The following IQGAP2 variants were observed in gnomAD, a reference collection of about 807,000 sequenced individuals.
The protein encoded by IQGAP2 is IQ motif containing GTPase activating protein 2.
IQGAP2 carries 173 observed loss-of-function variants against 201.3 expected under a neutral mutation model. That is an observed-to-expected ratio of 0.86 (90% confidence interval 0.76 to 0.98). The LOEUF is 0.98. Among genes scored for constraint, IQGAP2 ranks in the 50% least tolerant of loss-of-function variants. The pLI is 0.00. For synonymous variants in IQGAP2, 675 were observed against 673.9 expected (o/e 1.00, Z -0.03); for missense variants, 1,687 against 1,864.8 (o/e 0.90, Z 1.76).
chr5:76,554,536 A>C (rs4704334), intron 2 of IQGAP2, among the ~76,000 whole-genome samples: 22,240 of 152,252 alleles, frequency 0.15, 1,781 homozygotes, highest in Admixed American at 0.28. Flanking sequence ...AAAAGTATAT[A>C]AATGGGCTAT....
intron 12 of IQGAP2, chr5:76,607,815 A>G (rs1188457102): frequency 6.6e-6 from 1 of 152,216 alleles, no homozygotes; most frequent in Non-Finnish European, 1.5e-5. Context: ...TTTGGTTGCT[A>G]CAGCAACTGC....
chr5:76,403,639 CT>C lies in IQGAP2; in HGVS notation c.46+49del. 7.0e-7 allele frequency: 1 copy of C among 1,428,704 alleles called. No homozygotes were observed. Among genetic ancestry groups the C allele is most frequent in the South Asian group, 1.4e-5 (1 of 72,394 alleles). 88.5% of individuals were successfully genotyped at this position (1,428,704 alleles called of 1,614,324 possible). On this transcript the variant is annotated intron_variant, in intron 1 of 35. Coordinates refer to ENST00000274364, the MANE Select transcript of IQGAP2 (RefSeq NM_006633.5). This position sits in a 1 kb window ranked among gnomAD's most constrained non-coding sequence, Gnocchi z 4.8. ...GTTCCTGCTGGCCTTGGGGAGCTCC[CT>C]CCCCGAGGACGGCGTTGGAGAAGCC...
At chr5:76,413,229 C>T (rs1184722409) in intron 1 of IQGAP2, among the ~76,000 whole-genome samples, 2 of 130,742 alleles carry the variant, frequency 1.5e-5, no homozygotes, top group Non-Finnish European at 3.1e-5. Context: ...AGTGCAGTGG[C>T]GCGATCTTGG....
At chr5:76,633,939 T>C (rs950388642) in intron 15 of IQGAP2, among the ~76,000 whole-genome samples, 1 of 151,902 alleles carries the variant, frequency 6.6e-6, no homozygotes, top group South Asian at 2.1e-4. Context: ...ATGGAACCTG[T>C]ATTCTGCGCC....
chr5:76,592,957 A>G (rs1010472591), intron 9 of IQGAP2, 32 bp downstream of exon 9: 3 of 1,416,072 alleles, frequency 2.1e-6, no homozygotes, highest in Admixed American at 1.7e-5. Flanking sequence ...GGAAATTGAT[A>G]TTTCCGTAAG....
chr5:76,425,620 TGTAA>T (rs1751951739), intron 1 of IQGAP2, among the ~76,000 whole-genome samples: 1 of 152,060 alleles, frequency 6.6e-6, no homozygotes, highest in Non-Finnish European at 1.5e-5. Flanking sequence ...CAGAGAGACT[TGTAA>T]GTATTATAAG....
At chr5:76,465,027 T>G (rs1054417139) in intron 2 of IQGAP2, among the ~76,000 whole-genome samples, 3 of 152,148 alleles carry the variant, frequency 2.0e-5, no homozygotes, top group African/African-American at 7.2e-5. Context: ...TTGCAAACTC[T>G]TCCAAAAAAT....
chr5:76,679,464 C>T (rs918420938), intron 28 of IQGAP2, among the ~76,000 whole-genome samples: 2 of 152,158 alleles, frequency 1.3e-5, no homozygotes, highest in African/African-American at 2.4e-5. Context: ...TGGAGGCGTC[C>T]GTGTGCAGAC....
At chr5:76,532,911 G>A (rs146971643) in intron 2 of IQGAP2, among the ~76,000 whole-genome samples, 58 of 152,336 alleles carry the variant, frequency 3.8e-4, no homozygotes, top group African/African-American at 1.2e-3. Context: ...CCAGAGAAGG[G>A]GTGCCAGCAC....
At chr5:76,408,823 C>T (rs1750941593) in intron 1 of IQGAP2, among the ~76,000 whole-genome samples, 1 of 151,992 alleles carries the variant, frequency 6.6e-6, no homozygotes, top group Non-Finnish European at 1.5e-5. Flanking sequence ...GATGGAGTTC[C>T]ACTATGTCAC....
intron 16 of IQGAP2, among the ~76,000 whole-genome samples, chr5:76,637,864 G>A (rs959560429): frequency 3.3e-5 from 5 of 152,162 alleles, no homozygotes; most frequent in Non-Finnish European, 1.5e-5. Context: ...TCCATGTATT[G>A]TACTAACCAA....
chr5:76,642,689 G>A (rs550114814), intron 17 of IQGAP2, among the ~76,000 whole-genome samples: 9 of 152,240 alleles, frequency 5.9e-5, no homozygotes, highest in Non-Finnish European at 7.4e-5. Flanking sequence ...GGTCCCCTAC[G>A]TAAAACACTG....
chr5:76,620,798 G>A (rs1176622059), intron 13 of IQGAP2, among the ~76,000 whole-genome samples: 1 of 152,066 alleles, frequency 6.6e-6, no homozygotes, highest in Non-Finnish European at 1.5e-5. Context: ...ATCGGTATGA[G>A]GACCTAAGAA....
intron 22 of IQGAP2, among the ~76,000 whole-genome samples, chr5:76,666,997 C>T (rs560591381): frequency 1.1e-4 from 17 of 152,192 alleles, no homozygotes; most frequent in East Asian, 3.8e-4. Context: ...CCACCCATCT[C>T]AGCCTCCTCC....
chr5:76,520,267 C>G (rs1222422157), intron 2 of IQGAP2, among the ~76,000 whole-genome samples: 1 of 152,066 alleles, frequency 6.6e-6, no homozygotes, highest in African/African-American at 2.4e-5. Flanking sequence ...TATCTCAGCA[C>G]CACTTGTTGA....
At chr5:76,643,861 G>A (rs944031519) in intron 17 of IQGAP2, among the ~76,000 whole-genome samples, 2 of 152,114 alleles carry the variant, frequency 1.3e-5, no homozygotes, top group African/African-American at 4.8e-5. Context: ...GGAAGGGGAT[G>A]GCCTGGGAGA....
chr5:76,502,445 G>A (rs1184457801), intron 2 of IQGAP2, among the ~76,000 whole-genome samples: 1 of 152,114 alleles, frequency 6.6e-6, no homozygotes, highest in Non-Finnish European at 1.5e-5. Flanking sequence ...AACACTACTG[G>A]GATTTTTTCA....
chr5:76,685,164 C>T (rs1745628050), intron 30 of IQGAP2, among the ~76,000 whole-genome samples: 3 of 152,270 alleles, frequency 2.0e-5, no homozygotes, highest in African/African-American at 7.2e-5. Context: ...TTCTTTTTGA[C>T]TACAGATTAC....
intron 2 of IQGAP2, among the ~76,000 whole-genome samples, chr5:76,484,311 G>T (rs1214339658): frequency 2.0e-5 from 3 of 152,192 alleles, no homozygotes; most frequent in Non-Finnish European, 2.9e-5. Flanking sequence ...GAATAACCTA[G>T]TCCAGCTGCC....
Sources: allele counts gnomAD v4.1 joint callset (sites outside exome capture counted in the v4.1 genomes callset), GRCh38; gene constraint gnomAD v4.1.1; non-coding constraint Gnocchi (gnomAD v3.1); transcripts MANE v1.5; gene names NCBI Gene and HGNC (gene_info 2026-07-23, HGNC 2026-07-21).